The following ANAPC10 variants were observed in gnomAD, a reference collection of about 807,000 sequenced individuals.
ANAPC10 encodes the protein anaphase promoting complex subunit 10, also known as anaphase-promoting complex subunit 10.
Under a neutral mutation model 22.0 loss-of-function variants are expected in ANAPC10, and 12 were observed. That is an observed-to-expected ratio of 0.55 (90% CI 0.35 to 0.88). The LOEUF is 0.88. Ranked by LOEUF, ANAPC10 falls within the 40% of genes least tolerant of loss-of-function variation. The probability of loss-of-function intolerance (pLI) is 0.01; values close to 1 mark genes in which losing one functional copy is unlikely to be tolerated. For missense variants in ANAPC10, 188 were observed against 220.9 expected (o/e 0.85, Z 0.94); for synonymous variants, 65 against 69.5 (o/e 0.94, Z 0.32).
chr4:145,042,721 G>A (rs996792645), intron 4 of ANAPC10, among the ~76,000 whole-genome samples: 3 of 151,694 alleles, frequency 2.0e-5, no homozygotes, highest in Admixed American at 2.0e-4. Flanking sequence ...ATTCCAAGAG[G>A]AACTTTCAGT....
chr4:145,002,469 G>A (rs1025620393), intron 4 of ANAPC10, among the ~76,000 whole-genome samples: 10 of 141,152 alleles, frequency 7.1e-5, no homozygotes, highest in Non-Finnish European at 1.1e-4. Flanking sequence ...CTAGAAAATC[G>A]GAAAAGTTTC....
chr4:145,060,447 A>AAAGAATAAT (rs1218599233), intron 4 of ANAPC10, among the ~76,000 whole-genome samples: 6 of 152,074 alleles, frequency 3.9e-5, no homozygotes, highest in Admixed American at 1.3e-4. Context: ...TAGGATAGAA[A>AAAGAATAAT]AAGAATAATT....
chr4:145,055,450 C>G (rs937505021), intron 4 of ANAPC10, among the ~76,000 whole-genome samples: 3 of 151,876 alleles, frequency 2.0e-5, no homozygotes, highest in African/African-American at 7.3e-5. Flanking sequence ...CCCAGCTACT[C>G]AGGAGGCTGA....
intron 3 of ANAPC10, among the ~76,000 whole-genome samples, chr4:145,072,417 A>T (rs187107422): frequency 6.6e-6 from 1 of 152,220 alleles, no homozygotes; most frequent in Non-Finnish European, 1.5e-5. Flanking sequence ...CTTATTTTCT[A>T]TGTGAAGAAA....
At chr4:145,071,272 GAT>G (rs1191525395) in intron 3 of ANAPC10, among the ~76,000 whole-genome samples, 1 of 152,150 alleles carries the variant, frequency 6.6e-6, no homozygotes, top group Non-Finnish European at 1.5e-5. Flanking sequence ...CAGGCGTGGT[GAT>G]GCATGCCTGT....
chr4:145,096,428 T>G (rs1003972713), intron 1 of ANAPC10, among the ~76,000 whole-genome samples: 1 of 152,078 alleles, frequency 6.6e-6, no homozygotes, highest in Non-Finnish European at 1.5e-5. Context: ...GAATTCAGGT[T>G]TTGTTTCATA....
intron 4 of ANAPC10, among the ~76,000 whole-genome samples, chr4:145,025,783 A>G (rs1736574416): frequency 6.6e-6 from 1 of 152,196 alleles, no homozygotes; most frequent in Non-Finnish European, 1.5e-5. Context: ...GTTGCCACAA[A>G]TCTTCGATTT....
At chr4:145,043,197 G>C (rs1334938536) in intron 4 of ANAPC10, among the ~76,000 whole-genome samples, 3 of 151,780 alleles carry the variant, frequency 2.0e-5, no homozygotes, top group African/African-American at 7.3e-5. Flanking sequence ...AAAAAAAGAG[G>C]CAGGATTCAG....
chr4:145,058,557 G>C (rs1430408690), intron 4 of ANAPC10, among the ~76,000 whole-genome samples: 2 of 152,140 alleles, frequency 1.3e-5, no homozygotes, highest in African/African-American at 4.8e-5. Context: ...ATCTAACACA[G>C]TACCTGGCAC....
intron 4 of ANAPC10, among the ~76,000 whole-genome samples, chr4:145,057,497 T>C (rs1378557705): frequency 6.6e-6 from 1 of 152,152 alleles, no homozygotes; most frequent in Non-Finnish European, 1.5e-5. Flanking sequence ...TCTCGAATAT[T>C]GGCATCTTCA....
At chr4:145,017,077 T>C (rs1047511768) in intron 4 of ANAPC10, among the ~76,000 whole-genome samples, 1 of 152,158 alleles carries the variant, frequency 6.6e-6, no homozygotes, top group Non-Finnish European at 1.5e-5. Context: ...ACTTCATGTC[T>C]AAAACACCAA....
chr4:145,085,755 C>T (rs1746791939), intron 2 of ANAPC10, among the ~76,000 whole-genome samples: 1 of 152,142 alleles, frequency 6.6e-6, no homozygotes, highest in African/African-American at 2.4e-5. Context: ...ACTTTTGCTT[C>T]TTCAATATGC....
At chr4:145,090,420 T>C (rs1409605864) in intron 2 of ANAPC10, among the ~76,000 whole-genome samples, 1 of 152,242 alleles carries the variant, frequency 6.6e-6, no homozygotes, top group Non-Finnish European at 1.5e-5. Flanking sequence ...CTTGCTTTTA[T>C]GTCCTTAGTG....
At chr4:145,081,827 G>T in intron 2 of ANAPC10, 77 bp from the exon 3 acceptor site, 1 of 1,001,616 alleles carries the variant, frequency 1.0e-6, no homozygotes. Context: ...ATTAACATAT[G>T]TATTTGTCCA....
At chr4:145,042,021 T>C (rs1739595290) in intron 4 of ANAPC10, among the ~76,000 whole-genome samples, 1 of 152,154 alleles carries the variant, frequency 6.6e-6, no homozygotes, top group Non-Finnish European at 1.5e-5. Context: ...CAATAAACCT[T>C]TGGGGAGACT....
intron 2 of ANAPC10, among the ~76,000 whole-genome samples, chr4:145,083,389 C>T (rs1746379569): frequency 6.6e-6 from 1 of 152,074 alleles, no homozygotes; most frequent in African/African-American, 2.4e-5. Flanking sequence ...AACAATACTG[C>T]AATAAACACC....
rs1159837743 is a variant in ANAPC10, at chr4:144,995,256, T to G, written c.*117A>C. ...TTGTCAAAGTTACAATAAAATATTT[T>G]TAAACATATACAAAATTAGATATAA... On this transcript the variant is annotated 3_prime_UTR_variant, in exon 5 of 5. Coordinates refer to ENST00000507656, the MANE Select transcript of ANAPC10 (RefSeq NM_001256706.2). 1 of 555,754 alleles carries G rather than the reference T, an allele frequency of 1.8e-6. No individual in the cohort carries two copies. The highest frequency in any genetic ancestry group is 3.7e-5 in the Admixed American group (1 of 26,726). The allele number at this position is 555,754 out of a possible 1,614,324, so 34.4% of individuals were successfully genotyped here.
At chr4:145,087,983 G>A (rs1205381121) in intron 2 of ANAPC10, among the ~76,000 whole-genome samples, 1 of 152,216 alleles carries the variant, frequency 6.6e-6, no homozygotes, top group Non-Finnish European at 1.5e-5. Flanking sequence ...GGGAGGTGGA[G>A]GTTGCAGTGA....
intron 4 of ANAPC10, among the ~76,000 whole-genome samples, chr4:145,010,902 A>G (rs1218073375): frequency 6.6e-6 from 1 of 152,112 alleles, no homozygotes. Context: ...AAAAATATAC[A>G]TCTCTTTTTT....
Sources: allele counts gnomAD v4.1 joint callset (sites outside exome capture counted in the v4.1 genomes callset), GRCh38; gene constraint gnomAD v4.1.1; transcripts MANE v1.5; gene names NCBI Gene and HGNC (gene_info 2026-07-23, HGNC 2026-07-21).